Variants in NCOA6 observed in about 807,000 individuals in gnomAD.
NCOA6 encodes NRC RAP250.
In NCOA6, 49 loss-of-function variants were observed where a neutral mutation model predicts 171.4. That is an observed-to-expected ratio of 0.29 (90% CI 0.23 to 0.36). The LOEUF is 0.36. Ranked by LOEUF, NCOA6 falls within the 10% of genes least tolerant of loss-of-function variation. The pLI is 1.00. For missense variants in NCOA6, 2,248 were observed against 2,554.5 expected (o/e 0.88, Z 2.59); for synonymous variants, 910 against 927.5 (o/e 0.98, Z 0.34).
chr20:34,796,003 ATTTTT>A (rs569229378), intron 1 of NCOA6, among the ~76,000 whole-genome samples: 4 of 95,760 alleles, frequency 4.2e-5, no homozygotes, highest in Admixed American at 1.3e-4. Context: ...ATATGTTTGA[ATTTTT>A]TTTTTTTTTT....
rs182425075 is a variant in NCOA6 at position 34,790,852 on chromosome 20, T to C, written c.-50+1598A>G. On this transcript the variant is annotated intron_variant, in intron 2 of 14. Coordinates refer to ENST00000359003, the MANE Select transcript of NCOA6 (RefSeq NM_014071.5). ...TTTTAGGAGAGATGAGGTTTCACCA[T>C]ATTGGCCAGGCTAGTCTCAAACTCC... 1.6e-3 allele frequency among the ~76,000 whole-genome samples: 242 copies of C among 151,102 alleles called. 2 individuals are homozygous for C. The highest frequency in any genetic ancestry group is 2.2e-3 in the Non-Finnish European group (151 of 67,828).
chr20:34,716,646 G>C (rs2146870196), intron 14 of NCOA6, among the ~76,000 whole-genome samples: 1 of 152,166 alleles, frequency 6.6e-6, no homozygotes, highest in Non-Finnish European at 1.5e-5. Context: ...AGCTACTCAG[G>C]AGACCAAGTG....
intron 5 of NCOA6, among the ~76,000 whole-genome samples, chr20:34,767,485 G>A (rs1265126310): frequency 1.3e-5 from 2 of 151,996 alleles, no homozygotes; most frequent in Non-Finnish European, 2.9e-5. Flanking sequence ...TAGTAGAGAT[G>A]GGGTTTCACC....
intron 13 of NCOA6, 26 bp from the exon 14 acceptor site, chr20:34,727,433 C>T (rs201450560): frequency 1.9e-6 from 3 of 1,612,252 alleles, no homozygotes; most frequent in Admixed American, 1.7e-5. Flanking sequence ...AAAAAGTTTC[C>T]AAGCAGGTGA....
At chr20:34,778,967 AAAAAAAAAAAAAAAAAAGAC>A (rs1287819246) in intron 3 of NCOA6, among the ~76,000 whole-genome samples, 1 of 44,450 alleles carries the variant, frequency 2.2e-5, no homozygotes, top group Non-Finnish European at 4.9e-5. Context: ...TCAAAAAAAA[AAAAAAAAAAAAAAAAAAGAC>A]AAGACAAGAC....
intron 11 of NCOA6, among the ~76,000 whole-genome samples, chr20:34,736,972 T>C (rs963103595): frequency 6.6e-6 from 1 of 152,158 alleles, no homozygotes; most frequent in Non-Finnish European, 1.5e-5. Flanking sequence ...TTTAGGGGTA[T>C]AGGCTCTTCC....
At chr20:34,718,934 T>C (rs2057148187) in intron 14 of NCOA6, among the ~76,000 whole-genome samples, 1 of 152,204 alleles carries the variant, frequency 6.6e-6, no homozygotes, top group African/African-American at 2.4e-5. Flanking sequence ...GAACCTACCT[T>C]CAGTTTTTTA....
chr20:34,813,899 G>A (rs2078750410), intron 1 of NCOA6, among the ~76,000 whole-genome samples: 1 of 152,104 alleles, frequency 6.6e-6, no homozygotes, highest in South Asian at 2.1e-4. Context: ...ACTGGTAGTT[G>A]TTCTGAAGAA....
chr20:34,806,162 C>G (rs1286490512), intron 1 of NCOA6, among the ~76,000 whole-genome samples: 2 of 152,120 alleles, frequency 1.3e-5, no homozygotes, highest in South Asian at 4.1e-4. Context: ...TTCTTGATGA[C>G]TAGTAATGTT....
In NCOA6 at chr20:34,732,547, T is replaced by C; in HGVS notation, c.5999+12A>G. On this transcript the variant is annotated intron_variant, in intron 13 of 14. Transcript: ENST00000359003. ...TGTGTTCATGCTACGTCTGCAGAAATGATCATCTTACCTTTGTCCAGAGAC... is the reference window on the plus strand; with the variant it reads ...TGTGTTCATGCTACGTCTGCAGAAACGATCATCTTACCTTTGTCCAGAGAC... 2.5e-6 allele frequency: 4 copies of C among 1,613,066 alleles called. No homozygotes were observed. The highest frequency in any genetic ancestry group is 3.4e-6 in the Non-Finnish European group (4 of 1,179,214).
At chr20:34,794,105 C>T (rs979272961) in intron 1 of NCOA6, among the ~76,000 whole-genome samples, 20 of 152,154 alleles carry the variant, frequency 1.3e-4, no homozygotes, top group Non-Finnish European at 2.5e-4. Context: ...GGTACACCAG[C>T]AATTAAGTAA....
chr20:34,823,856 C>T (rs1289745951), intron 1 of NCOA6, among the ~76,000 whole-genome samples: 1 of 152,232 alleles, frequency 6.6e-6, no homozygotes, highest in Admixed American at 6.5e-5. Context: ...GTACAAGCCA[C>T]ATCAGGTGGC....
intron 3 of NCOA6, 126 bp from the exon 4 acceptor site, chr20:34,776,574 A>T (rs1297358840): frequency 1.8e-6 from 2 of 1,115,308 alleles, no homozygotes; most frequent in East Asian, 5.1e-5. Flanking sequence ...CTAACAGAGC[A>T]TATGCTTTGG....
chr20:34,785,521 C>G (rs1030449565), intron 2 of NCOA6, among the ~76,000 whole-genome samples: 1 of 150,790 alleles, frequency 6.6e-6, no homozygotes, highest in Non-Finnish European at 1.5e-5. Flanking sequence ...TTGCCATCTG[C>G]ATTTTACAGA....
chr20:34,813,935 G>T (rs1271744385), intron 1 of NCOA6, among the ~76,000 whole-genome samples: 4 of 152,090 alleles, frequency 2.6e-5, no homozygotes, highest in Non-Finnish European at 5.9e-5. Context: ...GCTAAAAAGT[G>T]ATAGCCTCAG....
At chr20:34,745,830 G>A (rs1376303479) in intron 10 of NCOA6, among the ~76,000 whole-genome samples, 1 of 152,126 alleles carries the variant, frequency 6.6e-6, no homozygotes, top group Admixed American at 6.6e-5. Context: ...GCTGGCCTTG[G>A]TTCTATAATA....
At chr20:34,770,167 G>A (rs945518956) in intron 4 of NCOA6, among the ~76,000 whole-genome samples, 1 of 152,036 alleles carries the variant, frequency 6.6e-6, no homozygotes, top group Non-Finnish European at 1.5e-5. Flanking sequence ...AGCCTCCCGA[G>A]TAGCTGGGAT....
intron 13 of NCOA6, among the ~76,000 whole-genome samples, chr20:34,729,789 A>G (rs958442552): frequency 5.3e-5 from 8 of 152,060 alleles, no homozygotes; most frequent in African/African-American, 1.4e-4. Context: ...AACTATCCCT[A>G]CCCTTCCACT....
chr20:34,758,784 T>A, intron 6 of NCOA6, 21 bp downstream of exon 6: 1 of 1,610,244 alleles, frequency 6.2e-7, no homozygotes, highest in African/African-American at 1.3e-5. Flanking sequence ...CTCTTCATCC[T>A]CAAAGATTGG....
Sources: gnomAD v4.1 joint callset for allele counts (sites outside exome capture counted in the v4.1 genomes callset) on GRCh38, gnomAD v4.1.1 for gene constraint, MANE v1.5 for transcripts, NCBI Gene and HGNC (gene_info 2026-07-23, HGNC 2026-07-21) for gene names.